Variants in DGKB observed in about 807,000 individuals in gnomAD.
The protein encoded by DGKB is 90 kDa diacylglycerol kinase.
DGKB carries 67 observed loss-of-function variants against 114.3 expected under a neutral mutation model. The observed-to-expected ratio is 0.59, with a 90% CI of 0.48 to 0.72. DGKB has a LOEUF of 0.72. DGKB is among the 30% of genes least tolerant of loss of function. DGKB has a pLI of 0.00. For missense variants in DGKB, 907 were observed against 975.2 expected (o/e 0.93, Z 0.93); for synonymous variants, 398 against 323.1 (o/e 1.23, Z -2.49).
intron 23 of DGKB, among the ~76,000 whole-genome samples, chr7:14,248,393 ATTG>A (rs1794769200): frequency 1.3e-5 from 2 of 152,028 alleles, no homozygotes; most frequent in East Asian, 3.9e-4. Flanking sequence ...GAAAAATGCC[ATTG>A]GAATTTTGGT....
At chr7:14,890,383 T>C (rs1781004398) in intron 1 of DGKB, among the ~76,000 whole-genome samples, 1 of 151,502 alleles carries the variant, frequency 6.6e-6, no homozygotes, top group South Asian at 2.1e-4. Flanking sequence ...TAAATCCATT[T>C]GAAGCTACAG....
chr7:14,534,600 T>C (rs191818361), intron 20 of DGKB, among the ~76,000 whole-genome samples: 2 of 152,058 alleles, frequency 1.3e-5, no homozygotes, highest in Non-Finnish European at 2.9e-5. Flanking sequence ...CACCTTAGAT[T>C]TGAAGACACA....
chr7:14,396,677 T>C (rs563820884), intron 21 of DGKB, among the ~76,000 whole-genome samples: 1 of 152,284 alleles, frequency 6.6e-6, no homozygotes, highest in South Asian at 2.1e-4. Context: ...AGTATTTATT[T>C]TTAAAATTGC....
intron 20 of DGKB, among the ~76,000 whole-genome samples, chr7:14,545,339 C>G (rs1489576800): frequency 1.3e-5 from 2 of 152,094 alleles, no homozygotes; most frequent in Non-Finnish European, 2.9e-5. Context: ...CGACCATGTT[C>G]CTGACTGAAA....
chr7:14,667,860 TG>T (rs1818308382), intron 13 of DGKB, among the ~76,000 whole-genome samples: 1 of 152,044 alleles, frequency 6.6e-6, no homozygotes, highest in Admixed American at 6.6e-5. Flanking sequence ...CTTAGCTAGG[TG>T]GGCAAAATTT....
intron 20 of DGKB, among the ~76,000 whole-genome samples, chr7:14,496,485 G>A (rs1460123019): frequency 2.0e-5 from 3 of 151,450 alleles, no homozygotes; most frequent in Non-Finnish European, 4.4e-5. Flanking sequence ...ATAATATTTT[G>A]CACAAAAGCA....
At chr7:14,744,239 T>G (rs573811310) in intron 4 of DGKB, among the ~76,000 whole-genome samples, 3 of 152,350 alleles carry the variant, frequency 2.0e-5, no homozygotes, top group Non-Finnish European at 4.4e-5. Context: ...TATTCTTAAC[T>G]TATGGCAATA....
At chr7:14,418,942 T>C (rs1029060824) in intron 21 of DGKB, among the ~76,000 whole-genome samples, 6 of 151,890 alleles carry the variant, frequency 4.0e-5, no homozygotes, top group Non-Finnish European at 8.8e-5. Context: ...TTCTAAAATA[T>C]AAACATTTAT....
intron 20 of DGKB, among the ~76,000 whole-genome samples, chr7:14,483,693 G>C (rs540284083): frequency 1.0e-3 from 154 of 152,168 alleles, no homozygotes; most frequent in Non-Finnish European, 1.5e-3. Flanking sequence ...TATCCAGGTG[G>C]GACGTAATTC....
intron 20 of DGKB, among the ~76,000 whole-genome samples, chr7:14,553,371 C>T (rs1795387408): frequency 6.6e-6 from 1 of 152,102 alleles, no homozygotes; most frequent in Non-Finnish European, 1.5e-5. Flanking sequence ...ATACTAATTC[C>T]GTTTATCTTC....
upstream of DGKB, among the ~76,000 whole-genome samples, chr7:14,904,237 CAT>C (rs1554341034): frequency 6.6e-6 from 1 of 152,002 alleles, no homozygotes; most frequent in Non-Finnish European, 1.5e-5. Context: ...CACACACACA[CAT>C]CACTTAATTG....
intron 23 of DGKB, among the ~76,000 whole-genome samples, chr7:14,198,800 C>A (rs28496071): frequency 2.6e-5 from 4 of 151,776 alleles, no homozygotes; most frequent in African/African-American, 9.7e-5. Context: ...GGCATTGATA[C>A]TTTAAATGTT....
chr7:14,664,106 G>A (rs1817623538), intron 13 of DGKB, among the ~76,000 whole-genome samples: 1 of 151,952 alleles, frequency 6.6e-6, no homozygotes, highest in Admixed American at 6.6e-5. Flanking sequence ...TGGTTTTAAG[G>A]ATAATATCCA....
At chr7:14,647,353 C>A (rs1280592386) in intron 13 of DGKB, among the ~76,000 whole-genome samples, 1 of 152,060 alleles carries the variant, frequency 6.6e-6, no homozygotes, top group Non-Finnish European at 1.5e-5. Flanking sequence ...ACAACAACAA[C>A]AACAACAAGG....
intron 2 of DGKB, among the ~76,000 whole-genome samples, chr7:14,830,177 T>C (rs1846220633): frequency 6.6e-6 from 1 of 152,094 alleles, no homozygotes; most frequent in Admixed American, 6.6e-5. Flanking sequence ...GTTGATTTTT[T>C]TCCCATTAGA....
intron 5 of DGKB, among the ~76,000 whole-genome samples, chr7:14,725,186 G>GAAAACAA (rs1485350941): frequency 1.3e-5 from 2 of 151,802 alleles, no homozygotes; most frequent in African/African-American, 4.8e-5. Flanking sequence ...ACAAAAAACA[G>GAAAACAA]AAAACAAAAA....
chr7:14,702,562 A>G (rs1005067384), intron 6 of DGKB, among the ~76,000 whole-genome samples: 8 of 152,156 alleles, frequency 5.3e-5, no homozygotes, highest in Non-Finnish European at 1.0e-4. Flanking sequence ...TATAATTCAC[A>G]CATCCCCAGG....
chr7:14,644,950 A>C (rs1331152976), intron 13 of DGKB, among the ~76,000 whole-genome samples: 1 of 152,196 alleles, frequency 6.6e-6, no homozygotes, highest in Non-Finnish European at 1.5e-5. Flanking sequence ...AGTGAAACCC[A>C]ACCTTCCAGC....
intron 21 of DGKB, among the ~76,000 whole-genome samples, chr7:14,378,896 T>G (rs1041258294): frequency 1.3e-5 from 2 of 152,144 alleles, no homozygotes; most frequent in Non-Finnish European, 2.9e-5. Flanking sequence ...TTTTTGCTCT[T>G]GTCCATTATA....
Sources: gnomAD v4.1 joint callset for allele counts (sites outside exome capture counted in the v4.1 genomes callset) on GRCh38, gnomAD v4.1.1 for gene constraint, MANE v1.5 for transcripts, NCBI Gene and HGNC (gene_info 2026-07-23, HGNC 2026-07-21) for gene names.